FGD5: variants seen among roughly 807,000 people sequenced by gnomAD.
The protein encoded by FGD5 is FYVE, RhoGEF and PH domain-containing protein 5.
In FGD5, 28 loss-of-function variants were observed where a neutral mutation model predicts 133.4. The ratio of observed to expected loss-of-function variants is 0.21; its 90% confidence interval spans 0.16 to 0.29. FGD5 has a LOEUF of 0.29. FGD5 is among the 10% of genes least tolerant of loss of function. The pLI is 1.00. For missense variants in FGD5, 1,858 were observed against 1,895.2 expected, an observed-to-expected ratio of 0.98 and a Z score of 0.36; for synonymous variants, 810 against 776.5, an observed-to-expected ratio of 1.04 and a Z score of -0.72.
chr3:14,837,241 G>C (rs1446028268), intron 1 of FGD5, among the ~76,000 whole-genome samples: 1 of 152,216 alleles, frequency 6.6e-6, no homozygotes, highest in Non-Finnish European at 1.5e-5. Flanking sequence ...AACTATTTGA[G>C]GTTAAATAGG....
At chr3:14,892,318 C>T (rs186439733) in intron 4 of FGD5, among the ~76,000 whole-genome samples, 1 of 152,246 alleles carries the variant, frequency 6.6e-6, no homozygotes, top group Non-Finnish European at 1.5e-5. Context: ...CCTCCCACCT[C>T]AGTGTCCCAA....
intron 2 of FGD5, among the ~76,000 whole-genome samples, chr3:14,869,152 G>C (rs1416886075): frequency 6.6e-6 from 1 of 152,088 alleles, no homozygotes; most frequent in Non-Finnish European, 1.5e-5. Flanking sequence ...AAATTATCTG[G>C]GTGTGGTGGC....
rs116441406 is a variant in FGD5 at position 14,882,423 on chromosome 3, C to T, written c.2748+1651C>T. On this transcript the variant is annotated intron_variant, in intron 4 of 19. Coordinates refer to ENST00000285046, the MANE Select transcript of FGD5 (RefSeq NM_152536.4). ...CATAAAAGTCATCACTCAGGCCAGG[C>T]GCGATGGCTCATGCCTGTAATCTCA... 550 of 866,506 alleles carry T rather than the reference C, an allele frequency of 6.3e-4. 1 individual carries two copies. In the African/African-American group the frequency reaches 9.0e-3, roughly 14 times the overall value. The allele number at this position is 866,506 out of a possible 1,614,324, so 53.7% of individuals were successfully genotyped here. A position where few individuals can be genotyped will look rare whatever the true frequency, so the allele number is the denominator to read the frequency against.
rs563641144 is a variant in FGD5 at position 14,928,512 on chromosome 3, AG to A, written c.4197+2316del. Among the ~76,000 whole-genome samples the A allele has an allele frequency of 1.7e-4, 26 of 152,260 alleles. 1 individual carries two copies. The South Asian group carries it at 5.0e-3, about 29-fold the overall frequency. ...GTAATCCCAGCCCTTTGAGAGGCTG[AG>A]GCAGGAGGATCACTTGAGGCCAGGA... On this transcript the variant is annotated intron_variant, in intron 18 of 19. Coordinates refer to ENST00000285046, the MANE Select transcript of FGD5 (RefSeq NM_152536.4).
chr3:14,885,484 A>T (rs1182640933), intron 4 of FGD5, among the ~76,000 whole-genome samples: 1 of 152,166 alleles, frequency 6.6e-6, no homozygotes, highest in Non-Finnish European at 1.5e-5. Flanking sequence ...CTCTTTGATC[A>T]TATAGCCTCC....
At chr3:14,903,503 C>T (rs887026272) in intron 9 of FGD5, among the ~76,000 whole-genome samples, 1 of 120,580 alleles carries the variant, frequency 8.3e-6, no homozygotes, top group Non-Finnish European at 1.7e-5. Context: ...TCCCTCCCCC[C>T]TCCCCCCACC....
intron 1 of FGD5, among the ~76,000 whole-genome samples, chr3:14,862,993 C>T (rs2037430182): frequency 6.6e-6 from 1 of 152,168 alleles, no homozygotes; most frequent in South Asian, 2.1e-4. Context: ...GCTCCTAGCT[C>T]AGCTATTCCC....
intron 2 of FGD5, among the ~76,000 whole-genome samples, chr3:14,867,513 C>T (rs1461569458): frequency 6.6e-6 from 1 of 152,022 alleles, no homozygotes; most frequent in East Asian, 1.9e-4. Flanking sequence ...AATCAATGGA[C>T]CAGAGAGCAG....
intron 11 of FGD5, among the ~76,000 whole-genome samples, chr3:14,911,505 G>T (rs2038447961): frequency 6.6e-6 from 1 of 151,974 alleles, no homozygotes; most frequent in African/African-American, 2.4e-5. Flanking sequence ...TCTTGCTCCT[G>T]CATTTCTGCT....
intron 1 of FGD5, among the ~76,000 whole-genome samples, chr3:14,832,374 T>C (rs1161973846): frequency 1.3e-5 from 2 of 152,194 alleles, no homozygotes; most frequent in African/African-American, 2.4e-5. Context: ...TGCTGTTTTT[T>C]TGTCTGTACT....
At chr3:14,925,658 A>G (rs1039448361) in intron 17 of FGD5, among the ~76,000 whole-genome samples, 12 of 152,226 alleles carry the variant, frequency 7.9e-5, no homozygotes, top group Non-Finnish European at 1.6e-4. Flanking sequence ...GCAGGAGACT[A>G]TAATACCTTT....
At chr3:14,869,545 C>G (rs2037564406) in intron 2 of FGD5, among the ~76,000 whole-genome samples, 1 of 152,174 alleles carries the variant, frequency 6.6e-6, no homozygotes, top group Non-Finnish European at 1.5e-5. Context: ...ATTTCCAGAG[C>G]TTTTTCCTCT....
At chr3:14,841,239 G>T (rs938504635) in intron 1 of FGD5, among the ~76,000 whole-genome samples, 1 of 152,242 alleles carries the variant, frequency 6.6e-6, no homozygotes, top group African/African-American at 2.4e-5. Flanking sequence ...GCCCATCTGA[G>T]ATGGGAACTA....
Position 14,897,948 on chromosome 3 carries a change from G to T in FGD5, c.2919G>T (p.Gln973His). 6.2e-7 allele frequency: 1 copy of T among 1,613,970 alleles called. No individual in the cohort carries two copies. The highest frequency in any genetic ancestry group is 1.1e-5 in the South Asian group (1 of 91,068). The change falls in exon 6 of 20, where the codon CAG becomes CAT. Residue 973 changes from glutamine (Q) to histidine (H), a missense_variant. Around this residue, in one of 3 missense-constraint regions of FGD5, gnomAD observed 1,824 missense variants for 1,848.9 expected, o/e 0.99. Transcript: ENST00000285046. ...LEERLSNWES[Q>H]QKVADVFLAR... ...CCATTCCTGGCTGCAGGGAGAGCCA[G>T]CAGAAGGTAGCTGACGTCTTCCTGG...
In FGD5 at chr3:14,880,616, A is replaced by G. The variant is rs368688017; in HGVS notation, c.2703A>G (p.Leu901=). 32 of 1,614,002 alleles carry G rather than the reference A, an allele frequency of 2.0e-5. No individual in the cohort carries two copies. The highest frequency in any genetic ancestry group is 2.6e-5 in the Non-Finnish European group (31 of 1,179,892). Residue 901 remains leucine, a synonymous_variant, in exon 3 of 20, where the codon CTA becomes CTG. Transcript: ENST00000285046. The part of the protein sequence containing the change: ...SRALVIAQEL[L]SSEKAYVEML... ...CCCTTGTCATCGCACAGGAACTGCT[A>G]TCTTCAGAGAAAGCGTGAGTCCCCA...
chr3:14,919,532 G>A (rs1413123762), intron 13 of FGD5, among the ~76,000 whole-genome samples: 1 of 152,306 alleles, frequency 6.6e-6, no homozygotes, highest in East Asian at 1.9e-4. Flanking sequence ...GCAGGAGAAT[G>A]GCGTGAACCG....
intron 1 of FGD5, among the ~76,000 whole-genome samples, chr3:14,862,840 G>T (rs575759049): frequency 6.6e-6 from 1 of 152,046 alleles, no homozygotes; most frequent in Non-Finnish European, 1.5e-5. Context: ...TCCTTGCTCT[G>T]TCTGGCCCTA....
intron 1 of FGD5, among the ~76,000 whole-genome samples, chr3:14,840,709 T>C (rs2036904997): frequency 1.3e-5 from 2 of 152,178 alleles, no homozygotes; most frequent in African/African-American, 2.4e-5. Context: ...TTTACATACA[T>C]TTGTGAACAT....
chr3:14,825,545 G>A lies in FGD5; in HGVS notation c.2525+3949G>A, dbSNP rs548801479. On this transcript the variant is annotated intron_variant, in intron 1 of 19. Transcript: ENST00000285046. ...CGCACCTGTAGTCCCAGCTGCTCAG[G>A]AGGTTGAGGCGGGAGGATCACTTGA... 5.3e-5 allele frequency among the ~76,000 whole-genome samples: 8 copies of A among 152,180 alleles called. No homozygotes were observed. In the East Asian group the frequency reaches 1.5e-3, roughly 29 times the overall value.
Sources: allele counts gnomAD v4.1 joint callset (sites outside exome capture counted in the v4.1 genomes callset), GRCh38; gene constraint gnomAD v4.1.1; regional missense constraint gnomAD v4.1.1; transcripts MANE v1.5; gene names NCBI Gene and HGNC (gene_info 2026-07-23, HGNC 2026-07-21).